The following CUL1 variants were observed in gnomAD, a reference collection of about 807,000 sequenced individuals.
CUL1 encodes the protein cullin-1.
Under a neutral mutation model 118.0 loss-of-function variants are expected in CUL1, and 24 were observed. The ratio of observed to expected loss-of-function variants is 0.20; its 90% CI spans 0.15 to 0.29. The LOEUF (loss-of-function observed/expected upper bound fraction) is 0.29. Ranked by LOEUF, CUL1 falls within the 10% of genes least tolerant of loss-of-function variation. The probability of loss-of-function intolerance (pLI) is 1.00; values close to 1 mark genes in which losing one functional copy is unlikely to be tolerated. For synonymous variants in CUL1, 332 were observed against 340.4 expected (o/e 0.98, Z 0.27); for missense variants, 361 against 933.8 (o/e 0.39, Z 7.99).
intron 9 of CUL1, 78 bp from the exon 10 acceptor site, chr7:148,783,705 G>A (rs778421717): frequency 6.3e-7 from 1 of 1,579,638 alleles, no homozygotes; most frequent in South Asian, 1.1e-5. Flanking sequence ...TTGTATGCTA[G>A]TACATGCATT....
intron 9 of CUL1, among the ~76,000 whole-genome samples, chr7:148,774,600 A>C (rs1214755515): frequency 6.6e-6 from 1 of 152,238 alleles, no homozygotes; most frequent in Non-Finnish European, 1.5e-5. Flanking sequence ...AAATCAGGCT[A>C]TAAGAGAATA....
chr7:148,718,899 C>T (rs1283459677), intron 1 of CUL1, among the ~76,000 whole-genome samples: 1 of 152,090 alleles, frequency 6.6e-6, no homozygotes, highest in Non-Finnish European at 1.5e-5. Context: ...ACTTGGAATT[C>T]GTTATTTGAG....
intron 9 of CUL1, among the ~76,000 whole-genome samples, chr7:148,774,639 A>C (rs113402238): frequency 2.2e-3 from 342 of 152,330 alleles, no homozygotes; most frequent in African/African-American, 7.9e-3. Flanking sequence ...TCAGGGCAGA[A>C]GTAGCAACAA....
intron 1 of CUL1, among the ~76,000 whole-genome samples, chr7:148,711,781 C>T (rs1798061646): frequency 1.3e-5 from 2 of 152,162 alleles, no homozygotes; most frequent in African/African-American, 4.8e-5. Context: ...TTATTCAAGG[C>T]CCCACAATCA....
At position 148,698,964 on chromosome 7, in the gene CUL1, C is replaced by A; in HGVS notation, c.-227C>A. ...GACCTTGGCGGGACGGGGCTTTCGC[C>A]GGGGCCCAGGCCCAGGGACCAGGCG... On this transcript the variant is annotated 5_prime_UTR_variant, in exon 1 of 22. Transcript: ENST00000325222. The A allele has an allele frequency of 6.5e-6, 1 of 153,686 alleles. No homozygotes were observed. The highest frequency in any genetic ancestry group is 1.8e-4 in the South Asian group (1 of 5,586). 9.5% of individuals were successfully genotyped at this position (153,686 alleles called of 1,614,324 possible).
rs555484504 is a variant in CUL1, at chr7:148,771,077, CTAAG to C, written c.1083+3330_1083+3333del. ...TATTAAATGCCATAGAAGGCACTAC[CTAAG>C]TGATTTTTTTTAAGTGCAAAAATGT... is the stretch of plus-strand genomic sequence containing the variant. On this transcript the variant is annotated intron_variant, in intron 9 of 21. Transcript: ENST00000325222. Among the ~76,000 whole-genome samples, 27 of 152,202 alleles carry C rather than the reference CTAAG, an allele frequency of 1.8e-4. No homozygotes were observed. In the East Asian group the frequency reaches 5.2e-3, roughly 29 times the overall value.
chr7:148,709,695 G>C (rs903127308), intron 1 of CUL1, among the ~76,000 whole-genome samples: 1 of 152,204 alleles, frequency 6.6e-6, no homozygotes, highest in Non-Finnish European at 1.5e-5. Context: ...CTTAGGCTGG[G>C]CAGTGAAGAC....
Position 148,725,256 on chromosome 7 carries a change from C to A in CUL1, c.-161-4706C>A, listed in dbSNP as rs917599811. Among the ~76,000 whole-genome samples the A allele has an allele frequency of 7.9e-5, 12 of 152,118 alleles. No individual in the cohort carries two copies. In the South Asian group the frequency reaches 2.5e-3, roughly 32 times the overall value. On this transcript the variant is annotated intron_variant, in intron 1 of 21. Transcript: ENST00000325222. ...ACACACACACACACACACCCGTACC[C>A]CTCTAAACTGGAAAACTTCATTGCC...
intron 11 of CUL1, among the ~76,000 whole-genome samples, chr7:148,785,589 C>A (rs1353036186): frequency 2.0e-5 from 3 of 150,766 alleles, no homozygotes; most frequent in Non-Finnish European, 3.0e-5. Flanking sequence ...GTCTCGAACT[C>A]CTGACCTCAA....
chr7:148,769,347 A>C (rs1214437973), intron 9 of CUL1, among the ~76,000 whole-genome samples: 2 of 146,278 alleles, frequency 1.4e-5, no homozygotes, highest in South Asian at 4.4e-4. Flanking sequence ...ATTACCCTTC[A>C]GTTTTTATGA....
chr7:148,759,289 CT>C lies in CUL1; in HGVS notation c.484-7del, dbSNP rs34872773. ...ATGGTAAAAGTATAGACATTTTGTA[CT>C]TTTTTTTCTCCAGCTTGCATTGGTG... On this transcript the variant is annotated splice_polypyrimidine_tract_variant and intron_variant, in intron 4 of 21. Transcript: ENST00000325222. 14 of 1,610,354 alleles carry C rather than the reference CT, an allele frequency of 8.7e-6. No individual in the cohort carries two copies. The highest frequency in any genetic ancestry group is 1.2e-5 in the Non-Finnish European group (14 of 1,176,838).
At position 148,730,187 on chromosome 7, in the gene CUL1, A is replaced by G. The variant is rs139459592; in HGVS notation, c.65A>G (p.Asp22Gly). The G allele has an allele frequency of 7.4e-6, 12 of 1,614,050 alleles. No homozygotes were observed. The highest frequency in any genetic ancestry group is 9.3e-6 in the Non-Finnish European group (11 of 1,180,030). Residue 22 changes from aspartate to glycine, a missense_variant, in exon 2 of 22, where the codon GAC becomes GGC. This residue lies in a region of CUL1 where 13 missense variants were observed against 56.5 expected (regional missense o/e 0.23). Transcript: ENST00000325222. Reference protein sequence around the residue: ...LKQIGLDQIWDDLRAGIQQVY... With the variant: ...LKQIGLDQIWGDLRAGIQQVY... Reference sequence around the variant, plus strand: ...CAGATTGGCCTGGACCAGATCTGGGACGACCTCAGAGCCGGCATCCAGCAG... The same window carrying G: ...CAGATTGGCCTGGACCAGATCTGGGGCGACCTCAGAGCCGGCATCCAGCAG...
intron 1 of CUL1, among the ~76,000 whole-genome samples, chr7:148,718,454 T>C (rs1349323705): frequency 6.6e-6 from 1 of 152,212 alleles, no homozygotes; most frequent in East Asian, 1.9e-4. Context: ...TTCTGGACAT[T>C]TCATGTAATA....
At chr7:148,704,465 A>G (rs1797821973) in intron 1 of CUL1, among the ~76,000 whole-genome samples, 1 of 152,200 alleles carries the variant, frequency 6.6e-6, no homozygotes, top group Non-Finnish European at 1.5e-5. Context: ...ATTTCTAAGA[A>G]TTTAGTCTAA....
intron 1 of CUL1, among the ~76,000 whole-genome samples, chr7:148,718,764 A>T (rs1584764369): frequency 6.6e-6 from 1 of 152,268 alleles, no homozygotes; most frequent in Non-Finnish European, 1.5e-5. Context: ...ATAATGGGGC[A>T]TGTGACAGAT....
chr7:148,708,970 A>G (rs1175601478), intron 1 of CUL1, among the ~76,000 whole-genome samples: 1 of 152,256 alleles, frequency 6.6e-6, no homozygotes, highest in Admixed American at 6.5e-5. Flanking sequence ...CCAGCAAACC[A>G]TATATTACAC....
intron 6 of CUL1, among the ~76,000 whole-genome samples, chr7:148,759,859 T>C (rs1211969300): frequency 3.9e-5 from 6 of 152,196 alleles, no homozygotes; most frequent in South Asian, 2.1e-4. Flanking sequence ...TTTGATGAAA[T>C]AGACATTTTG....
At chr7:148,774,494 AT>A (rs1800331917) in intron 9 of CUL1, among the ~76,000 whole-genome samples, 1 of 152,232 alleles carries the variant, frequency 6.6e-6, no homozygotes, top group Non-Finnish European at 1.5e-5. Flanking sequence ...ATTCTTGACT[AT>A]ACAATTGATT....
rs1238668933 is a variant in CUL1, at chr7:148,730,008, T to G, written c.-115T>G. On this transcript the variant is annotated 5_prime_UTR_variant, in exon 2 of 22. Transcript: ENST00000325222. Reference sequence around the variant, plus strand: ...ATTCTCTACATTTAAAGGACATCCTTTCTGAGCTGCTGTGAATAAATTTGG... The same window carrying G: ...ATTCTCTACATTTAAAGGACATCCTGTCTGAGCTGCTGTGAATAAATTTGG... The G allele has an allele frequency of 1.7e-6, 2 of 1,185,536 alleles. No individual in the cohort carries two copies. Among genetic ancestry groups the G allele is most frequent in the African/African-American group, 1.5e-5 (1 of 64,856 alleles). 73.4% of individuals were successfully genotyped at this position (1,185,536 alleles called of 1,614,324 possible).
Sources: allele counts gnomAD v4.1 joint callset (sites outside exome capture counted in the v4.1 genomes callset), GRCh38; gene constraint gnomAD v4.1.1; regional missense constraint gnomAD v4.1.1; transcripts MANE v1.5; gene names NCBI Gene and HGNC (gene_info 2026-07-23, HGNC 2026-07-21).